The following WNK3 variants were observed in gnomAD, a reference collection of about 807,000 sequenced individuals.
The protein encoded by WNK3 is WNK lysine deficient protein kinase 3.
Under a neutral mutation model 116.7 loss-of-function variants are expected in WNK3, and 18 were observed. The observed-to-expected ratio is 0.15, with a 90% CI of 0.11 to 0.23. The LOEUF is 0.23. WNK3 is among the 10% of genes least tolerant of loss of function. WNK3 has a pLI of 1.00. For synonymous variants in WNK3, 404 were observed against 469.4 expected (o/e 0.86, Z 1.80); for missense variants, 993 against 1,323.8 (o/e 0.75, Z 3.88).
At chrX:54,296,516 G>T (rs2068700206) in intron 7 of WNK3, among the ~76,000 whole-genome samples, 1 of 110,743 alleles carries the variant, frequency 9.0e-6, no homozygotes, top group Non-Finnish European at 1.9e-5. Flanking sequence ...TGGGATTCAG[G>T]AAATCCAAAA....
At chrX:54,204,179 G>A (rs936595317) in intron 22 of WNK3, among the ~76,000 whole-genome samples, 2 of 110,985 alleles carry the variant, frequency 1.8e-5, no homozygotes, top group East Asian at 5.7e-4. Context: ...GAGTGCAGTG[G>A]CGCGATCTTG....
intron 22 of WNK3, among the ~76,000 whole-genome samples, chrX:54,221,597 C>T (rs936947263): frequency 9.0e-5 from 10 of 111,243 alleles, no homozygotes; most frequent in African/African-American, 3.3e-4. Flanking sequence ...TTTTGGGAGG[C>T]CGAGGCGGGC....
exon 17 of WNK3, chrX:54,249,346 A>G: frequency 8.2e-7 from 1 of 1,212,161 alleles, no homozygotes; most frequent in Non-Finnish European, 1.1e-6. Context: ...CACAGGTATG[A>G]ATATGCTTGC....
At chrX:54,332,096 C>T (rs1177088037) in intron 2 of WNK3, among the ~76,000 whole-genome samples, 1 of 111,944 alleles carries the variant, frequency 8.9e-6, no homozygotes, top group African/African-American at 3.2e-5. Context: ...TGACCCACAT[C>T]TGTCTAAAAC....
intron 10 of WNK3, among the ~76,000 whole-genome samples, chrX:54,264,779 T>A (rs1438194976): frequency 9.0e-6 from 1 of 110,990 alleles, no homozygotes; most frequent in Non-Finnish European, 1.9e-5. Context: ...CTGTAAGAAC[T>A]AACAAACTGA....
At chrX:54,215,489 T>C in intron 22 of WNK3, among the ~76,000 whole-genome samples, 1 of 112,777 alleles carries the variant, frequency 8.9e-6, no homozygotes, top group Non-Finnish European at 1.9e-5. Context: ...GCTCACTCAG[T>C]GCTCAATGTT....
chrX:54,249,494 C>T, exon 17 of WNK3: 2 of 1,211,778 alleles, frequency 1.7e-6, no homozygotes, highest in African/African-American at 1.7e-5. Context: ...TTGGTTTCTA[C>T]ACTAGCACAT....
chrX:54,268,102 A>G (rs924436219), intron 10 of WNK3, among the ~76,000 whole-genome samples: 32 of 107,210 alleles, frequency 3.0e-4, no homozygotes, highest in African/African-American at 1.1e-3. Flanking sequence ...ACACACACAC[A>G]CACACACACA....
At chrX:54,247,264 G>C (rs2068082445) in intron 17 of WNK3, among the ~76,000 whole-genome samples, 1 of 110,844 alleles carries the variant, frequency 9.0e-6, no homozygotes. Flanking sequence ...AAGTTTAAAT[G>C]ACAGAAATAA....
intron 5 of WNK3, among the ~76,000 whole-genome samples, chrX:54,303,471 T>C (rs1261608956): frequency 1.3e-4 from 14 of 111,506 alleles, no homozygotes; most frequent in African/African-American, 4.2e-4. Flanking sequence ...ATGGAAAGAA[T>C]AATTGTTATG....
chrX:54,329,963 G>A (rs1557173994), intron 2 of WNK3, among the ~76,000 whole-genome samples: 2 of 111,958 alleles, frequency 1.8e-5, no homozygotes. Flanking sequence ...ACCTTGGCAG[G>A]CTACAGTGGC....
intron 22 of WNK3, among the ~76,000 whole-genome samples, chrX:54,215,113 T>A (rs2067669678): frequency 1.6e-5 from 1 of 62,740 alleles, no homozygotes; most frequent in Non-Finnish European, 2.6e-5. Flanking sequence ...CCAGACTCCA[T>A]CTCAAAAAAA....
intron 1 of WNK3, among the ~76,000 whole-genome samples, chrX:54,334,156 G>C (rs1267465221): frequency 2.7e-5 from 3 of 111,405 alleles, no homozygotes; most frequent in Non-Finnish European, 3.8e-5. Context: ...ATGGTTTCTA[G>C]GTGGTTTTTG....
At chrX:54,261,018 C>T (rs782544140) in intron 10 of WNK3, among the ~76,000 whole-genome samples, 8 of 110,147 alleles carry the variant, frequency 7.3e-5, no homozygotes, top group Admixed American at 6.8e-4. Context: ...CCGTGAGCCA[C>T]CACGCCTGGC....
intron 10 of WNK3, among the ~76,000 whole-genome samples, chrX:54,266,451 T>C (rs1329747990): frequency 1.8e-5 from 2 of 111,678 alleles, no homozygotes; most frequent in African/African-American, 6.5e-5. Context: ...TATAATTAGA[T>C]TGTAACACAA....
chrX:54,279,628 C>A (rs1557161887), intron 10 of WNK3, among the ~76,000 whole-genome samples: 1 of 111,691 alleles, frequency 9.0e-6, no homozygotes, highest in African/African-American at 3.3e-5. Flanking sequence ...TTGCATGGTC[C>A]TTACATTTTA....
chrX:54,259,239 C>G, intron 11 of WNK3, 35 bp downstream of exon 11: 2 of 1,023,645 alleles, frequency 2.0e-6, no homozygotes, highest in Non-Finnish European at 2.7e-6. Context: ...AGCATATCCT[C>G]ATTGTTCTCA....
chrX:54,245,478 C>T (rs981854130), intron 17 of WNK3, among the ~76,000 whole-genome samples: 1 of 109,732 alleles, frequency 9.1e-6, no homozygotes, highest in Non-Finnish European at 1.9e-5. Flanking sequence ...TGGAGTGAGA[C>T]CCTGTCTCAA....
chrX:54,255,966 T>C (rs1213898206), intron 11 of WNK3, 79 bp from the exon 12 acceptor site: 2 of 852,790 alleles, frequency 2.3e-6, no homozygotes, highest in East Asian at 3.4e-5. Context: ...TATAAAACTA[T>C]AAATAATGAA....
Sources: allele counts gnomAD v4.1 joint callset (sites outside exome capture counted in the v4.1 genomes callset), GRCh38; gene constraint gnomAD v4.1.1; transcripts MANE v1.5; gene names NCBI Gene and HGNC (gene_info 2026-07-23, HGNC 2026-07-21).